Variants in SPATA13 observed in about 807,000 individuals in gnomAD.
SPATA13 encodes spermatogenesis associated 13.
In SPATA13, 50 loss-of-function variants were observed where a neutral mutation model predicts 104.0. The ratio of observed to expected loss-of-function variants is 0.48; its 90% CI spans 0.38 to 0.61. The LOEUF is 0.61. Among genes scored for constraint, SPATA13 ranks in the 20% least tolerant of loss-of-function variants. The pLI is 0.00. For missense variants in SPATA13, 1,524 were observed against 1,690.6 expected, an observed-to-expected ratio of 0.90 and a Z score of 1.73; for synonymous variants, 606 against 667.5, an observed-to-expected ratio of 0.91 and a Z score of 1.42.
At chr13:24,019,911 C>G (rs1161077822) in intron 3 of SPATA13, among the ~76,000 whole-genome samples, 1 of 152,204 alleles carries the variant, frequency 6.6e-6, no homozygotes, top group Admixed American at 6.5e-5. Flanking sequence ...TCATCTCTCT[C>G]GCCCTGGAGT....
At position 24,230,266 on chromosome 13, in the gene SPATA13, A is replaced by C. The variant is rs1042914046; in HGVS notation, c.1653+5684A>C. Among the ~76,000 whole-genome samples the C allele has an allele frequency of 3.3e-5, 5 of 152,324 alleles. 1 individual carries two copies. The highest frequency in any genetic ancestry group is 3.3e-4 in the Admixed American group (5 of 15,300). Reference sequence around the variant, plus strand: ...GAACAGAAGGGGTTGAAACAAAAAGAAGCTGTCTGTACTCTCATGGGTTCA... The same window carrying C: ...GAACAGAAGGGGTTGAAACAAAAAGCAGCTGTCTGTACTCTCATGGGTTCA... On this transcript the variant is annotated intron_variant, in intron 2 of 12. Coordinates refer to ENST00000382108, the MANE Select transcript of SPATA13 (RefSeq NM_001166271.3).
At chr13:24,021,696 T>C (rs911157581) in intron 3 of SPATA13, among the ~76,000 whole-genome samples, 1 of 151,760 alleles carries the variant, frequency 6.6e-6, no homozygotes, top group Admixed American at 6.6e-5. Context: ...AGTCATACTC[T>C]GTGAAGGTTG....
chr13:24,131,155 T>G (rs1400745437), intron 3 of SPATA13, among the ~76,000 whole-genome samples: 1 of 152,266 alleles, frequency 6.6e-6, no homozygotes. Flanking sequence ...GCTGTATTAT[T>G]TAAGTCCACT....
chr13:24,150,555 T>C (rs1348107110), intron 3 of SPATA13, among the ~76,000 whole-genome samples: 1 of 152,236 alleles, frequency 6.6e-6, no homozygotes, highest in East Asian at 1.9e-4. Context: ...TGATTGATTT[T>C]TTTTTTTAAG....
intron 3 of SPATA13, among the ~76,000 whole-genome samples, chr13:24,040,189 A>G (rs2137727564): frequency 6.6e-6 from 1 of 152,316 alleles, no homozygotes; most frequent in African/African-American, 2.4e-5. Flanking sequence ...ATGCCAGCAA[A>G]ACCAGAGAGA....
intron 3 of SPATA13, among the ~76,000 whole-genome samples, chr13:24,066,692 C>G (rs962504690): frequency 2.0e-5 from 3 of 152,114 alleles, no homozygotes; most frequent in African/African-American, 7.2e-5. Flanking sequence ...TCAGGCCCCC[C>G]ACCTTCATTC....
chr13:24,089,062 C>T (rs181835995), intron 3 of SPATA13, among the ~76,000 whole-genome samples: 1 of 152,180 alleles, frequency 6.6e-6, no homozygotes, highest in African/African-American at 2.4e-5. Context: ...CAAGACAACT[C>T]AATTGGCAGT....
chr13:24,229,698 C>T (rs569821954), intron 2 of SPATA13, among the ~76,000 whole-genome samples: 2 of 152,072 alleles, frequency 1.3e-5, no homozygotes, highest in South Asian at 4.2e-4. Context: ...TGACATCATG[C>T]TACTTAAAAA....
At chr13:24,004,011 C>T (rs1876104295) in intron 2 of SPATA13, among the ~76,000 whole-genome samples, 1 of 152,156 alleles carries the variant, frequency 6.6e-6, no homozygotes, top group African/African-American at 2.4e-5. Context: ...TTACTATTGT[C>T]TTTTAAATAT....
chr13:24,074,164 A>G (rs978259590), intron 3 of SPATA13, among the ~76,000 whole-genome samples: 2 of 152,044 alleles, frequency 1.3e-5, no homozygotes, highest in Non-Finnish European at 2.9e-5. Flanking sequence ...TTAAACCACT[A>G]TTGTCTATGC....
chr13:24,048,260 A>G (rs1319902814), intron 3 of SPATA13, among the ~76,000 whole-genome samples: 2 of 152,194 alleles, frequency 1.3e-5, no homozygotes, highest in Admixed American at 1.3e-4. Context: ...CTATGCTTTT[A>G]ATTTGCATTT....
intron 5 of SPATA13, among the ~76,000 whole-genome samples, chr13:24,284,918 T>C (rs1875818323): frequency 6.6e-6 from 1 of 152,214 alleles, no homozygotes; most frequent in African/African-American, 2.4e-5. Context: ...GAAAGATGTC[T>C]AATTACTGGC....
intron 3 of SPATA13, among the ~76,000 whole-genome samples, chr13:24,082,903 A>G (rs2862246): frequency 0.58 from 87,775 of 150,160 alleles, 25,820 homozygotes; most frequent in Non-Finnish European, 0.61. Flanking sequence ...AAAACTTCTA[A>G]ATCGTCTCAG....
chr13:24,209,162 G>C (rs972674684), intron 1 of SPATA13, among the ~76,000 whole-genome samples: 8 of 152,162 alleles, frequency 5.3e-5, no homozygotes, highest in African/African-American at 1.9e-4. Context: ...ACTGTACTCA[G>C]GACAAGCCGA....
chr13:24,236,362 G>A (rs1031970456), intron 2 of SPATA13, among the ~76,000 whole-genome samples: 14 of 152,070 alleles, frequency 9.2e-5, no homozygotes, highest in African/African-American at 3.1e-4. Context: ...GCAGGTGAGC[G>A]GGTGGATCAC....
intron 3 of SPATA13, among the ~76,000 whole-genome samples, chr13:24,019,181 C>T (rs986968624): frequency 4.7e-5 from 7 of 149,172 alleles, no homozygotes; most frequent in Admixed American, 2.0e-4. Flanking sequence ...CTCCGCCTCC[C>T]GGGTTCACGC....
At chr13:24,301,677 G>A (rs377038065) in intron 12 of SPATA13, among the ~76,000 whole-genome samples, 1 of 152,252 alleles carries the variant, frequency 6.6e-6, no homozygotes, top group Non-Finnish European at 1.5e-5. Context: ...TGGCAGGCCA[G>A]GGGCAGGGAC....
rs186040157 is a variant in SPATA13, at chr13:24,062,855, C to G, written c.-112+45154C>G. On this transcript the variant is annotated intron_variant, in intron 3 of 14. Coordinates refer to the SPATA13 transcript ENST00000424834. ...AAACTTCAATTTGGAGTGGGTTTTG[C>G]CAGGAAATTACTTTGGAAACTGTTG... 3.0e-3 allele frequency among the ~76,000 whole-genome samples: 460 copies of G among 152,120 alleles called. 1 individual carries two copies. The highest frequency in any genetic ancestry group is 4.7e-3 in the Non-Finnish European group (322 of 67,988).
Position 24,294,733 on chromosome 13 carries a change from T to C in SPATA13, c.3081-6T>C. The C allele has an allele frequency of 1.3e-6, 2 of 1,580,406 alleles. No homozygotes were observed. On this transcript the variant is annotated splice_region_variant and splice_polypyrimidine_tract_variant and intron_variant, in intron 9 of 12. Coordinates refer to ENST00000382108, the MANE Select transcript of SPATA13 (RefSeq NM_001166271.3). Reference sequence around the variant, plus strand: ...ATGTGATTAAAATTAACCTCCCATCTTGCAGTGATTACAGCAACATAAAGG... The same window carrying C: ...ATGTGATTAAAATTAACCTCCCATCCTGCAGTGATTACAGCAACATAAAGG...
Sources: allele counts gnomAD v4.1 joint callset (sites outside exome capture counted in the v4.1 genomes callset), GRCh38; gene constraint gnomAD v4.1.1; transcripts MANE v1.5; gene names NCBI Gene and HGNC (gene_info 2026-07-23, HGNC 2026-07-21).